Variants in NFKB1 observed in about 807,000 individuals in gnomAD.
NFKB1 encodes the protein nuclear factor kappa B subunit 1, also known as nuclear factor NF-kappa-B p105 subunit.
NFKB1 carries 9 observed loss-of-function variants against 105.1 expected under a neutral mutation model. The observed-to-expected ratio is 0.09, with a 90% CI of 0.05 to 0.15. NFKB1 has a LOEUF of 0.15. NFKB1 is among the 10% of genes least tolerant of loss of function. NFKB1 has a pLI of 1.00. For synonymous variants in NFKB1, 440 were observed against 442.2 expected, an observed-to-expected ratio of 1.00 and a Z score of 0.06; for missense variants, 830 against 1,203.7, an observed-to-expected ratio of 0.69 and a Z score of 4.59.
intron 5 of NFKB1, among the ~76,000 whole-genome samples, chr4:102,555,947 T>C (rs1450345523): frequency 3.9e-5 from 6 of 152,186 alleles, no homozygotes; most frequent in Non-Finnish European, 7.3e-5. Context: ...GAGACACTAG[T>C]TGGAAGAATT....
At chr4:102,585,729 C>T (rs769121652) in intron 11 of NFKB1, among the ~76,000 whole-genome samples, 6 of 152,126 alleles carry the variant, frequency 3.9e-5, no homozygotes, top group Admixed American at 1.3e-4. Flanking sequence ...TCCCTTTATT[C>T]TAAAGCAGCC....
At chr4:102,553,334 T>G (rs1039497273) in intron 5 of NFKB1, among the ~76,000 whole-genome samples, 1 of 152,106 alleles carries the variant, frequency 6.6e-6, no homozygotes, top group Admixed American at 6.5e-5. Flanking sequence ...TTGTATACCT[T>G]TAAGAAAAAA....
intron 5 of NFKB1, among the ~76,000 whole-genome samples, chr4:102,544,266 T>A (rs545399610): frequency 2.0e-5 from 3 of 152,318 alleles, no homozygotes; most frequent in African/African-American, 7.2e-5. Flanking sequence ...TAATATTTTT[T>A]AAGATTTTTT....
chr4:102,613,561 C>T lies in NFKB1; in HGVS notation c.2729C>T (p.Ala910Val), dbSNP rs372601198. Residue 910 changes from alanine (A) to valine (V), a missense_variant, in exon 23 of 24, where the codon GCC (alanine) becomes GTC (valine). By Grantham distance (64) the Ala-to-Val change is moderately conservative (BLOSUM62 0). Around this residue, in one of 8 missense-constraint regions of NFKB1, gnomAD observed 418 missense variants for 575.3 expected, o/e 0.73. Coordinates refer to ENST00000226574, the MANE Select transcript of NFKB1 (RefSeq NM_003998.4). ...SQAHSLPLSP[A>V]STRQQIDELR... ...GCCCACTCGCTGCCTCTCTCGCCTG[C>T]CTCCACAAGGCAGCAAATAGGTAAA... 6.2e-7 allele frequency: 1 copy of T among 1,613,322 alleles called. No homozygotes were observed. Among genetic ancestry groups the T allele is most frequent in the African/African-American group, 1.3e-5 (1 of 74,818 alleles).
intron 1 of NFKB1, among the ~76,000 whole-genome samples, 193 bp from the exon 2 acceptor site, chr4:102,525,319 G>T (rs1377622218): frequency 6.6e-6 from 1 of 152,118 alleles, no homozygotes; most frequent in African/African-American, 2.4e-5. Flanking sequence ...CCTAGATTAT[G>T]CAATCTCCTT....
chr4:102,511,017 G>A (rs544286414), intron 1 of NFKB1: 97 of 1,100,682 alleles, frequency 8.8e-5, no homozygotes, highest in Admixed American at 1.5e-4. Flanking sequence ...ATGAGGAGGG[G>A]TGGAGTAGGG....
At chr4:102,570,512 G>T (rs537194728) in intron 6 of NFKB1, among the ~76,000 whole-genome samples, 1 of 151,990 alleles carries the variant, frequency 6.6e-6, no homozygotes, top group Non-Finnish European at 1.5e-5. Context: ...GGATACTGCC[G>T]CAGTGAACAT....
In NFKB1 at chr4:102,607,651, T is replaced by G. The variant is rs774062108; in HGVS notation, c.2127T>G (p.Gly709=). ...TTCTTGTGTGGGCTGGATTGTAGGG[T>G]GATGCCCATGTGGACAGTACTACCT... ...ISLAGCLLLE[G]DAHVDSTTYD... Residue 709 remains glycine (G), a splice_region_variant and synonymous_variant, in exon 19 of 24, where the codon GGT becomes GGG. Coordinates refer to ENST00000226574, the MANE Select transcript of NFKB1 (RefSeq NM_003998.4). The G allele has an allele frequency of 2.5e-6, 4 of 1,613,882 alleles. No homozygotes were observed. The highest frequency in any genetic ancestry group is 3.4e-6 in the Non-Finnish European group (4 of 1,179,904).
intron 15 of NFKB1, among the ~76,000 whole-genome samples, chr4:102,598,570 A>G (rs954972690): frequency 6.6e-5 from 10 of 152,234 alleles, no homozygotes; most frequent in African/African-American, 2.4e-4. Context: ...AGGATGTGGT[A>G]TAACCACTGG....
rs115342128 is a variant in NFKB1, at chr4:102,548,187, G to A, written c.258+10231G>A. ...GGGCCATTGCCTTTACTGGGTCCAGGACATTATCCAAACAGGTTTCCCACA... is the reference window on the plus strand; with the variant it reads ...GGGCCATTGCCTTTACTGGGTCCAGAACATTATCCAAACAGGTTTCCCACA... On this transcript the variant is annotated intron_variant, in intron 5 of 23. Coordinates refer to ENST00000226574, the MANE Select transcript of NFKB1 (RefSeq NM_003998.4). 8.9e-3 allele frequency among the ~76,000 whole-genome samples: 1,351 copies of A among 152,138 alleles called. 13 individuals carry two copies. Among genetic ancestry groups the A allele is most frequent in the African/African-American group, 0.03 (1,246 of 41,514 alleles).
At chr4:102,542,308 C>G (rs1742046212) in intron 5 of NFKB1, among the ~76,000 whole-genome samples, 2 of 152,108 alleles carry the variant, frequency 1.3e-5, no homozygotes, top group African/African-American at 2.4e-5. Flanking sequence ...TTTCACATAG[C>G]TAAGAAGAAA....
At chr4:102,607,476 C>T (rs574216020) in intron 18 of NFKB1, among the ~76,000 whole-genome samples, 157 bp downstream of exon 18, 2 of 152,294 alleles carry the variant, frequency 1.3e-5, no homozygotes, top group East Asian at 3.9e-4. Context: ...TTTAGACATT[C>T]CCCCAACCCC....
rs1156870619 is a variant in NFKB1 at position 102,606,619 on chromosome 4, G to C, written c.1876G>C (p.Glu626Gln). ...CTCTGTTTTGCACCTAGCTGCCAAAGAAGGACATGATAAAGTTCTCAGTAT... is the reference window on the plus strand; with the variant it reads ...CTCTGTTTTGCACCTAGCTGCCAAACAAGGACATGATAAAGTTCTCAGTAT... Reference protein sequence around the residue: ...GNSVLHLAAKEGHDKVLSILL... With the variant: ...GNSVLHLAAKQGHDKVLSILL... Residue 626 changes from glutamate (E) to glutamine (Q), a missense_variant, in exon 17 of 24, where the codon GAA becomes CAA. This residue lies in a region of NFKB1 where 418 missense variants were observed against 575.3 expected (regional missense o/e 0.73). Coordinates refer to ENST00000226574, the MANE Select transcript of NFKB1 (RefSeq NM_003998.4). 1 of 1,614,180 alleles carries C rather than the reference G, an allele frequency of 6.2e-7. No homozygotes were observed. Among genetic ancestry groups the C allele is most frequent in the Non-Finnish European group, 8.5e-7 (1 of 1,180,050 alleles).
At chr4:102,504,036 AT>A (rs1227996991) in intron 1 of NFKB1, among the ~76,000 whole-genome samples, 1 of 152,168 alleles carries the variant, frequency 6.6e-6, no homozygotes, top group Non-Finnish European at 1.5e-5. Context: ...TATGAGAGGT[AT>A]TTCTCTGTTC....
intron 2 of NFKB1, among the ~76,000 whole-genome samples, chr4:102,526,657 A>G (rs532316395): frequency 1.3e-5 from 2 of 152,258 alleles, no homozygotes; most frequent in East Asian, 3.9e-4. Flanking sequence ...CGTAATCCTC[A>G]CTTTTCTCAT....
chr4:102,511,803 A>G (rs1173259943), intron 1 of NFKB1, among the ~76,000 whole-genome samples: 1 of 152,262 alleles, frequency 6.6e-6, no homozygotes, highest in Non-Finnish European at 1.5e-5. Context: ...CTCAAGGTGA[A>G]CACGTTTAAC....
chr4:102,583,475 A>G (rs1353708557), intron 10 of NFKB1, among the ~76,000 whole-genome samples: 2 of 152,226 alleles, frequency 1.3e-5, no homozygotes, highest in Admixed American at 6.5e-5. Context: ...TGTTGGCAAG[A>G]TATTTAATTG....
chr4:102,582,949 C>A lies in NFKB1; in HGVS notation c.919C>A (p.His307Asn). 6.2e-7 allele frequency: 1 copy of A among 1,600,522 alleles called. No individual in the cohort carries two copies. The highest frequency in any genetic ancestry group is 8.6e-7 in the Non-Finnish European group (1 of 1,168,364). Residue 307 changes from histidine (H) to asparagine (N), a missense_variant, in exon 10 of 24, where the codon CAT becomes AAT. By Grantham distance (68) the His-to-Asn change is moderately conservative. Transcript: ENST00000226574. ...TGGAGATTTTTCCCCCACAGATGTT[C>A]ATAGACAAGTAAGTGATTTATTATT... ...GFGDFSPTDV[H>N]RQFAIVFKTP...
At chr4:102,580,182 A>T (rs989082897) in intron 8 of NFKB1, among the ~76,000 whole-genome samples, 35 of 152,304 alleles carry the variant, frequency 2.3e-4, no homozygotes, top group Non-Finnish European at 4.0e-4. Flanking sequence ...TCATGGAAAC[A>T]AATTTGGAAT....
Sources: gnomAD v4.1 joint callset for allele counts (sites outside exome capture counted in the v4.1 genomes callset) on GRCh38, gnomAD v4.1.1 for gene constraint, gnomAD v4.1.1 regional missense constraint, MANE v1.5 for transcripts, NCBI Gene and HGNC (gene_info 2026-07-23, HGNC 2026-07-21) for gene names.